The following COL19A1 variants were observed in gnomAD, a reference collection of about 807,000 sequenced individuals.
The protein encoded by COL19A1 is collagen type XIX alpha 1 chain.
COL19A1 carries 159 observed loss-of-function variants against 190.2 expected under a neutral mutation model. The ratio of observed to expected loss-of-function variants is 0.84; its 90% CI spans 0.73 to 0.95. COL19A1 has a LOEUF of 0.95. Ranked by LOEUF, COL19A1 falls within the 40% of genes least tolerant of loss-of-function variation. The pLI is 0.00. For missense variants in COL19A1, 1,418 were observed against 1,431.9 expected (o/e 0.99, Z 0.16); for synonymous variants, 509 against 458.9 (o/e 1.11, Z -1.39).
intron 1 of COL19A1, among the ~76,000 whole-genome samples, chr6:69,876,478 T>G (rs570166817): frequency 2.2e-4 from 33 of 151,952 alleles, no homozygotes; most frequent in Non-Finnish European, 4.1e-4. Context: ...TATTAATATG[T>G]ACAGCAAACA....
chr6:70,096,536 A>G (rs1783286661), intron 15 of COL19A1, among the ~76,000 whole-genome samples: 1 of 152,170 alleles, frequency 6.6e-6, no homozygotes, highest in Non-Finnish European at 1.5e-5. Flanking sequence ...AAGTATAAGT[A>G]CCATTTTACA....
rs576871451 is a variant in COL19A1 at position 70,137,347 on chromosome 6, C to CA, written c.1384-330dup. The stretch of plus-strand genomic sequence containing the variant: ...AGTCTGATGTCTTTGAGATCACACA[C>CA]AAAAAAAATTGGTTTTGGCACACCA... On this transcript the variant is annotated intron_variant, in intron 18 of 50. Transcript: ENST00000620364. Among the ~76,000 whole-genome samples the CA allele has an allele frequency of 1.6e-4, 24 of 151,944 alleles. No individual in the cohort carries two copies. The South Asian group carries it at 4.4e-3, about 28-fold the overall frequency.
chr6:70,183,093 A>C (rs1366682841), intron 44 of COL19A1, among the ~76,000 whole-genome samples: 1 of 152,094 alleles, frequency 6.6e-6, no homozygotes, highest in African/African-American at 2.4e-5. Flanking sequence ...AAATGTGTGA[A>C]AGAGTACTTT....
chr6:69,919,106 A>G (rs1771518406), intron 4 of COL19A1, among the ~76,000 whole-genome samples: 1 of 152,128 alleles, frequency 6.6e-6, no homozygotes, highest in Non-Finnish European at 1.5e-5. Flanking sequence ...CCCAAGACTC[A>G]GCATCTCATC....
chr6:70,079,086 T>A (rs1223143807), intron 15 of COL19A1, among the ~76,000 whole-genome samples: 1 of 152,058 alleles, frequency 6.6e-6, no homozygotes, highest in Non-Finnish European at 1.5e-5. Context: ...AAACTATTCT[T>A]GTAGTCTAAT....
intron 10 of COL19A1, among the ~76,000 whole-genome samples, chr6:69,962,606 G>A (rs1403482256): frequency 6.6e-6 from 1 of 152,138 alleles, no homozygotes; most frequent in African/African-American, 2.4e-5. Flanking sequence ...AATTGCCTTG[G>A]AAGTGGTGAA....
At chr6:70,063,549 C>A (rs571733796) in intron 14 of COL19A1, among the ~76,000 whole-genome samples, 19 of 152,118 alleles carry the variant, frequency 1.2e-4, no homozygotes, top group Admixed American at 9.8e-4. Flanking sequence ...AAAATTGACA[C>A]CCCAACATCG....
chr6:70,139,391 G>C lies in COL19A1; in HGVS notation c.1447-1563G>C, dbSNP rs73746873. 2.2e-3 allele frequency among the ~76,000 whole-genome samples: 340 copies of C among 152,058 alleles called. 1 individual carries two copies. Among genetic ancestry groups the C allele is most frequent in the African/African-American group, 7.7e-3 (319 of 41,510 alleles). On this transcript the variant is annotated intron_variant, in intron 19 of 50. Transcript: ENST00000620364. ...TTCAAGGGCAGTCCATGTATCTCATGAGGACTGCCTTTAGCCCTGTTTTCC... is the reference window on the plus strand; with the variant it reads ...TTCAAGGGCAGTCCATGTATCTCATCAGGACTGCCTTTAGCCCTGTTTTCC...
chr6:69,929,325 C>T lies in COL19A1; in HGVS notation c.391-100C>T, dbSNP rs936680533. 1.5e-5 allele frequency: 17 copies of T among 1,140,574 alleles called. No individual in the cohort carries two copies. In the African/African-American group the frequency reaches 1.7e-4, roughly 12 times the overall value. 70.7% of individuals were successfully genotyped at this position (1,140,574 alleles called of 1,614,324 possible). A position where few individuals can be genotyped will look rare whatever the true frequency, so the allele number is the denominator to read the frequency against. ...TCATCTAAAATATTTTACTAAGTGCCTCAGTTATACTAATATGCATCTTGA... is the reference window on the plus strand; with the variant it reads ...TCATCTAAAATATTTTACTAAGTGCTTCAGTTATACTAATATGCATCTTGA... On this transcript the variant is annotated intron_variant, in intron 5 of 50. Transcript: ENST00000620364.
At chr6:69,937,936 C>T (rs1272261400) in intron 8 of COL19A1, 102 bp from the exon 9 acceptor site, 1 of 1,109,184 alleles carries the variant, frequency 9.0e-7, no homozygotes, top group Admixed American at 2.1e-5. Flanking sequence ...CAGAGGAGAA[C>T]AAAGCGTTAT....
At chr6:70,158,652 C>A (rs1787586757) in intron 34 of COL19A1, among the ~76,000 whole-genome samples, 1 of 151,966 alleles carries the variant, frequency 6.6e-6, no homozygotes, top group African/African-American at 2.4e-5. Context: ...GCAGGTCTTC[C>A]TATAATATCT....
intron 14 of COL19A1, among the ~76,000 whole-genome samples, chr6:70,060,773 A>G (rs1488273162): frequency 6.6e-6 from 1 of 152,174 alleles, no homozygotes; most frequent in Non-Finnish European, 1.5e-5. Context: ...GTGTAATAAT[A>G]ATAGAAATAA....
intron 15 of COL19A1, among the ~76,000 whole-genome samples, chr6:70,091,991 G>A (rs1041243146): frequency 4.6e-5 from 7 of 152,126 alleles, no homozygotes; most frequent in African/African-American, 1.4e-4. Context: ...TTGTACAATA[G>A]TATGTCCCAA....
intron 48 of COL19A1, among the ~76,000 whole-genome samples, chr6:70,195,132 T>A (rs1767111865): frequency 9.3e-6 from 1 of 107,666 alleles, no homozygotes; most frequent in African/African-American, 4.7e-5. Context: ...TATACATCAT[T>A]GATGATATAT....
At chr6:70,160,359 C>T (rs976693905) in intron 34 of COL19A1, among the ~76,000 whole-genome samples, 3 of 152,040 alleles carry the variant, frequency 2.0e-5, no homozygotes, top group Non-Finnish European at 1.5e-5. Context: ...AAAACCACCC[C>T]CATGATCCAA....
intron 4 of COL19A1, among the ~76,000 whole-genome samples, chr6:69,910,828 A>G (rs1770862628): frequency 6.6e-6 from 1 of 152,184 alleles, no homozygotes; most frequent in South Asian, 2.1e-4. Flanking sequence ...AAGGCATGTA[A>G]GCATGTACTT....
intron 34 of COL19A1, among the ~76,000 whole-genome samples, chr6:70,158,246 G>T (rs1291085605): frequency 6.6e-6 from 1 of 151,954 alleles, no homozygotes; most frequent in Non-Finnish European, 1.5e-5. Context: ...CTTCTACTTG[G>T]TCTCAGATAT....
rs1338712602 is a variant in COL19A1, at chr6:69,929,586, A to G, written c.552A>G (p.Ser184=). ...TTAGTATACAATCCCAGGTCATTTCACTTTATATGGATTGTAATTTAATTG... is the reference window on the plus strand; with the variant it reads ...TTAGTATACAATCCCAGGTCATTTCGCTTTATATGGATTGTAATTTAATTG... The part of the protein sequence containing the change: ...LGISIQSQVI[S]LYMDCNLIAR... Residue 184 remains serine, a synonymous_variant, in exon 6 of 51, where the codon TCA becomes TCG. Transcript: ENST00000620364. 9.9e-6 allele frequency: 16 copies of G among 1,613,996 alleles called. No individual in the cohort carries two copies. The highest frequency in any genetic ancestry group is 1.2e-5 in the Non-Finnish European group (14 of 1,179,962).
rs569588737 is a variant in COL19A1 at position 69,936,544 on chromosome 6, C to A, written c.748-241C>A. Among the ~76,000 whole-genome samples the A allele has an allele frequency of 6.6e-5, 10 of 152,108 alleles. No homozygotes were observed. The South Asian group carries it at 1.9e-3, about 28-fold the overall frequency. ...GTTACCTAATGTAACTTTGTAATTC[C>A]TTACCAAGACCATTATTTTAAATAT... On this transcript the variant is annotated intron_variant, in intron 7 of 50. Coordinates refer to ENST00000620364, the MANE Select transcript of COL19A1 (RefSeq NM_001858.6).
Sources: gnomAD v4.1 joint callset for allele counts (sites outside exome capture counted in the v4.1 genomes callset) on GRCh38, gnomAD v4.1.1 for gene constraint, MANE v1.5 for transcripts, NCBI Gene and HGNC (gene_info 2026-07-23, HGNC 2026-07-21) for gene names.